The following GPC5 variants were observed in gnomAD, a reference collection of about 807,000 sequenced individuals.
GPC5 encodes glypican 5.
In GPC5, 47 loss-of-function variants were observed where a neutral mutation model predicts 53.9. That is an observed-to-expected ratio of 0.87 (90% CI 0.69 to 1.11). The LOEUF (loss-of-function observed/expected upper bound fraction) is 1.11, where lower values mean the gene tolerates loss of function less well. GPC5 is among the 50% of genes most tolerant of loss of function. GPC5 has a pLI of 0.00. For synonymous variants in GPC5, 286 were observed against 263.3 expected, an observed-to-expected ratio of 1.09 and a Z score of -0.84; for missense variants, 748 against 713.1, an observed-to-expected ratio of 1.05 and a Z score of -0.56.
chr13:92,008,823 G>A (rs900694091), intron 6 of GPC5, among the ~76,000 whole-genome samples: 2 of 151,828 alleles, frequency 1.3e-5, no homozygotes, highest in African/African-American at 2.4e-5. Context: ...GTTTAATATT[G>A]TCTCATAGGT....
At chr13:91,917,689 G>A (rs1421333185) in intron 6 of GPC5, among the ~76,000 whole-genome samples, 1 of 152,180 alleles carries the variant, frequency 6.6e-6, no homozygotes, top group Non-Finnish European at 1.5e-5. Context: ...CTCTAGGGCA[G>A]GGGCAAAATT....
chr13:92,359,016 T>G (rs1002385955), intron 7 of GPC5, among the ~76,000 whole-genome samples: 1 of 151,866 alleles, frequency 6.6e-6, no homozygotes, highest in Non-Finnish European at 1.5e-5. Context: ...TTCTGCCACA[T>G]GGCTAGGCTG....
intron 2 of GPC5, among the ~76,000 whole-genome samples, chr13:91,519,780 C>A (rs1296888576): frequency 1.3e-5 from 2 of 152,054 alleles, no homozygotes; most frequent in African/African-American, 4.8e-5. Flanking sequence ...GGGCAGGTTA[C>A]TGTTTACTTT....
At chr13:92,468,616 GAGA>G (rs1426721142) in intron 7 of GPC5, among the ~76,000 whole-genome samples, 2 of 152,010 alleles carry the variant, frequency 1.3e-5, no homozygotes, top group African/African-American at 2.4e-5. Flanking sequence ...ATACTTTTAC[GAGA>G]AGAATACTTA....
intron 2 of GPC5, among the ~76,000 whole-genome samples, chr13:91,540,731 G>GT (rs2029883926): frequency 6.6e-6 from 1 of 152,172 alleles, no homozygotes; most frequent in Non-Finnish European, 1.5e-5. Context: ...CATTTGTTTA[G>GT]TTAACTGCTG....
intron 7 of GPC5, among the ~76,000 whole-genome samples, chr13:92,566,403 T>C (rs1216979470): frequency 1.3e-5 from 2 of 152,070 alleles, no homozygotes; most frequent in African/African-American, 2.4e-5. Context: ...GCTAAATGAA[T>C]CACATGAAGA....
chr13:92,815,921 C>T (rs1346987240), intron 7 of GPC5, among the ~76,000 whole-genome samples: 1 of 151,884 alleles, frequency 6.6e-6, no homozygotes, highest in Non-Finnish European at 1.5e-5. Context: ...TTTGGCTTTG[C>T]ACCTATCAAT....
intron 6 of GPC5, among the ~76,000 whole-genome samples, chr13:92,112,223 C>A (rs1305904091): frequency 1.3e-5 from 2 of 152,054 alleles, no homozygotes; most frequent in East Asian, 3.9e-4. Context: ...AGCTAGAAAT[C>A]TTGACTGCGG....
chr13:91,981,403 C>T (rs1170161545), intron 6 of GPC5, among the ~76,000 whole-genome samples: 1 of 151,996 alleles, frequency 6.6e-6, no homozygotes, highest in Non-Finnish European at 1.5e-5. Context: ...CATTCTCCTG[C>T]CTCAGCCTCC....
intron 1 of GPC5, among the ~76,000 whole-genome samples, chr13:91,433,872 G>A (rs1194626503): frequency 6.6e-6 from 1 of 151,742 alleles, no homozygotes. Context: ...GTTGTTTCCT[G>A]ACTTTTTAAA....
rs1307102764 is a variant in GPC5, at chr13:91,448,789, A to G, written c.192A>G (p.Lys64=). 6.2e-7 allele frequency: 1 copy of G among 1,613,294 alleles called. No individual in the cohort carries two copies. Among genetic ancestry groups the G allele is most frequent in the Non-Finnish European group, 8.5e-7 (1 of 1,179,652 alleles). ...CTGATCTTCAGGTTTGCATATCCAA[A>G]AAGCCTACATGTTGCACCAGGAAGA... ...AGPDLQVCIS[K]KPTCCTRKME... The change falls in exon 2 of 8, where the codon AAA becomes AAG. Residue 64 remains lysine, a synonymous_variant. Transcript: ENST00000377067.
intron 7 of GPC5, among the ~76,000 whole-genome samples, chr13:92,859,090 T>C (rs1474543544): frequency 1.3e-5 from 2 of 151,916 alleles, no homozygotes; most frequent in Non-Finnish European, 2.9e-5. Context: ...AAAACTTTTT[T>C]TAAAAAAAAT....
chr13:92,174,186 T>C (rs71427535), intron 7 of GPC5, among the ~76,000 whole-genome samples: 13,891 of 151,954 alleles, frequency 0.091, 764 homozygotes, highest in Middle Eastern at 0.15. Flanking sequence ...TAAAAAAATA[T>C]GTGTCTATGT....
chr13:92,255,942 C>A (rs932185804), intron 7 of GPC5, among the ~76,000 whole-genome samples: 2 of 151,848 alleles, frequency 1.3e-5, no homozygotes, highest in African/African-American at 4.8e-5. Context: ...CTTTGTATAC[C>A]TTTTTTGGGT....
At chr13:92,510,728 C>T (rs1880533818) in intron 7 of GPC5, among the ~76,000 whole-genome samples, 2 of 152,128 alleles carry the variant, frequency 1.3e-5, no homozygotes, top group Non-Finnish European at 2.9e-5. Context: ...CAGCTGTATC[C>T]ATGGCTTATG....
intron 2 of GPC5, among the ~76,000 whole-genome samples, chr13:91,477,137 TA>T (rs1170004141): frequency 1.3e-5 from 2 of 152,180 alleles, no homozygotes; most frequent in Admixed American, 1.3e-4. Context: ...TTTTAATTTT[TA>T]TTTTGAATAT....
intron 1 of GPC5, among the ~76,000 whole-genome samples, chr13:91,438,962 G>C (rs28653296): frequency 6.6e-6 from 1 of 152,250 alleles, no homozygotes; most frequent in Non-Finnish European, 1.5e-5. Context: ...CTCCGAGCCA[G>C]GTGCGGGATA....
At chr13:91,897,029 C>CCTG (rs61559455) in intron 5 of GPC5, among the ~76,000 whole-genome samples, 1 of 151,288 alleles carries the variant, frequency 6.6e-6, no homozygotes, top group Non-Finnish European at 1.5e-5. Context: ...TCTTCTTCTT[C>CCTG]CTCCTCCTCT....
At chr13:92,699,493 T>C (rs1887660749) in intron 7 of GPC5, among the ~76,000 whole-genome samples, 1 of 152,152 alleles carries the variant, frequency 6.6e-6, no homozygotes, top group Non-Finnish European at 1.5e-5. Context: ...TTGTTCCTGC[T>C]TCTCTAGTTC....
Sources: gnomAD v4.1 joint callset for allele counts (sites outside exome capture counted in the v4.1 genomes callset) on GRCh38, gnomAD v4.1.1 for gene constraint, MANE v1.5 for transcripts, NCBI Gene and HGNC (gene_info 2026-07-23, HGNC 2026-07-21) for gene names.